CDH7: variants seen among roughly 807,000 people sequenced by gnomAD.
CDH7 encodes the protein cadherin-7.
A neutral mutation model predicts 71.8 loss-of-function variants in CDH7; 25 were observed. The observed-to-expected ratio is 0.35, with a 90% CI of 0.25 to 0.49. The LOEUF (loss-of-function observed/expected upper bound fraction) is 0.49. Among genes scored for constraint, CDH7 ranks in the 20% least tolerant of loss-of-function variants. CDH7 has a pLI of 0.99. For missense variants in CDH7, 862 were observed against 974.6 expected, an observed-to-expected ratio of 0.88 and a Z score of 1.54; for synonymous variants, 381 against 363.8, an observed-to-expected ratio of 1.05 and a Z score of -0.54.
At chr18:65,859,881 G>T in intron 10 of CDH7, 56 bp downstream of exon 10, 2 of 1,034,418 alleles carry the variant, frequency 1.9e-6, no homozygotes, top group East Asian at 4.8e-5. Flanking sequence ...CTCTAAGCAA[G>T]TATTTTTCTC....
intron 3 of CDH7, among the ~76,000 whole-genome samples, chr18:65,812,627 A>T (rs1911583448): frequency 6.6e-6 from 1 of 152,174 alleles, no homozygotes; most frequent in Non-Finnish European, 1.5e-5. Flanking sequence ...AGCCTTTAGG[A>T]TACTTTATTT....
intron 4 of CDH7, among the ~76,000 whole-genome samples, chr18:65,816,454 GT>G (rs1911728187): frequency 6.6e-6 from 1 of 152,100 alleles, no homozygotes; most frequent in Non-Finnish European, 1.5e-5. Flanking sequence ...TCATTTATAT[GT>G]GAGAAATAAC....
chr18:65,757,356 A>G (rs539792207), intron 1 of CDH7, among the ~76,000 whole-genome samples: 2 of 152,270 alleles, frequency 1.3e-5, no homozygotes, highest in African/African-American at 4.8e-5. Context: ...GATTTAGTAA[A>G]TACTGCTTAA....
rs537405711 is a variant in CDH7 at position 65,859,809 on chromosome 18, A to G, written c.1596A>G (p.Ser532=). The G allele has an allele frequency of 2.6e-4, 414 of 1,586,994 alleles. 3 individuals are homozygous for G. The South Asian group carries it at 4.2e-3, about 16-fold the overall frequency. ...TTDATNNHNF[S]LKDNKDNTAS... is the part of the protein sequence containing the mutation. ...ATGCAACAAATAACCACAACTTTTC[A>G]TTGAAAGATAACAAAGGTAATGTAT... The change falls in exon 10 of 12, where the codon TCA becomes TCG. Residue 532 remains serine, a synonymous_variant. Transcript: ENST00000397968.
At chr18:65,880,027 A>G (rs1055225662) in intron 11 of CDH7, among the ~76,000 whole-genome samples, 1 of 152,134 alleles carries the variant, frequency 6.6e-6, no homozygotes, top group Non-Finnish European at 1.5e-5. Context: ...ATGAATTTCA[A>G]TTTGCCTTTC....
chr18:65,860,241 T>C (rs986353978), intron 10 of CDH7, among the ~76,000 whole-genome samples: 3 of 152,176 alleles, frequency 2.0e-5, no homozygotes, highest in East Asian at 3.8e-4. Context: ...CTTAATGTTT[T>C]CGATAATACC....
At position 65,889,251 on chromosome 18, in the gene CDH7, C is replaced by T. The variant is rs777214662; in HGVS notation, c.*8357C>T. 1 of 151,990 alleles carries T rather than the reference C, an allele frequency of 6.6e-6. No individual in the cohort carries two copies. The highest frequency in any genetic ancestry group is 6.6e-5 in the Admixed American group (1 of 15,248). 9.4% of individuals were successfully genotyped at this position (151,990 alleles called of 1,614,324 possible). A position where few individuals can be genotyped will look rare whatever the true frequency, so the allele number is the denominator to read the frequency against. ...AGGGTAGGAGAAAAATCCCAACAAC[C>T]CTTCCACCTTTTCCAAAAAGAAAAA... On this transcript the variant is annotated 3_prime_UTR_variant, in exon 12 of 12. Transcript: ENST00000397968.
At chr18:65,781,839 T>C (rs1189200940) in intron 2 of CDH7, among the ~76,000 whole-genome samples, 11 of 95,080 alleles carry the variant, frequency 1.2e-4, no homozygotes, top group African/African-American at 4.8e-4. Context: ...TCTTTCTTTC[T>C]TTCTTTCTTT....
At chr18:65,848,052 A>G (rs1431328072) in intron 7 of CDH7, among the ~76,000 whole-genome samples, 2 of 152,046 alleles carry the variant, frequency 1.3e-5, no homozygotes, top group African/African-American at 2.4e-5. Flanking sequence ...GCTGTTTATC[A>G]TATCATGTAA....
At chr18:65,859,566 A>G in intron 9 of CDH7, 142 bp from the exon 10 acceptor site, 1 of 593,970 alleles carries the variant, frequency 1.7e-6, no homozygotes, top group Non-Finnish European at 3.0e-6. Context: ...GATTGGGTTC[A>G]TAATAATACA....
chr18:65,824,588 A>C (rs575055825), intron 5 of CDH7, 56 bp from the exon 6 acceptor site: 7 of 1,182,226 alleles, frequency 5.9e-6, no homozygotes, highest in Non-Finnish European at 6.9e-6. Flanking sequence ...CCAATATTTA[A>C]ATTTTTATTG....
At chr18:65,818,837 T>C (rs756878927) in intron 4 of CDH7, among the ~76,000 whole-genome samples, 10 of 147,880 alleles carry the variant, frequency 6.8e-5, no homozygotes, top group Non-Finnish European at 1.5e-4. Flanking sequence ...TTTTAAATGA[T>C]TTTTTTGCTG....
At chr18:65,841,687 G>A (rs1016929479) in intron 6 of CDH7, among the ~76,000 whole-genome samples, 2 of 152,098 alleles carry the variant, frequency 1.3e-5, no homozygotes, top group African/African-American at 4.8e-5. Context: ...AATTTTATGA[G>A]TAGGTCAGGT....
At position 65,822,061 on chromosome 18, in the gene CDH7, T is replaced by C. The variant is rs1911949705; in HGVS notation, c.626-20T>C. On this transcript the variant is annotated intron_variant, in intron 4 of 11. Coordinates refer to ENST00000397968, the MANE Select transcript of CDH7 (RefSeq NM_004361.5). ...TGCAGTGATTCATGATGAGTTTTAC[T>C]GGGATTTGAAATTTTACAGGAGTCA... 2.5e-6 allele frequency: 4 copies of C among 1,599,630 alleles called. No homozygotes were observed. The highest frequency in any genetic ancestry group is 3.4e-6 in the Non-Finnish European group (4 of 1,166,994).
At chr18:65,776,049 G>A (rs1183042066) in intron 2 of CDH7, among the ~76,000 whole-genome samples, 1 of 152,160 alleles carries the variant, frequency 6.6e-6, no homozygotes, top group Non-Finnish European at 1.5e-5. Context: ...ATTAGAGTAA[G>A]AACAGAACTG....
chr18:65,880,597 T>C lies in CDH7; in HGVS notation c.2061T>C (p.Thr687=), dbSNP rs1270733096. 1.9e-6 allele frequency: 3 copies of C among 1,613,688 alleles called. No homozygotes were observed. Among genetic ancestry groups the C allele is most frequent in the Non-Finnish European group, 2.5e-6 (3 of 1,179,946 alleles). The change falls in exon 12 of 12, where the codon ACT becomes ACC. Residue 687 remains threonine, a synonymous_variant. Transcript: ENST00000397968. ...ACACCAAGACCCGGAGGGATGTGAC[T>C]CCAGAAATTCAATTCCTGAGTCGAC... ...IRDTKTRRDV[T]PEIQFLSRPA...
intron 4 of CDH7, among the ~76,000 whole-genome samples, chr18:65,819,014 G>A (rs1215032039): frequency 6.6e-6 from 1 of 152,016 alleles, no homozygotes; most frequent in African/African-American, 2.4e-5. Flanking sequence ...AATAGGATCT[G>A]GTCCAGACAG....
intron 2 of CDH7, among the ~76,000 whole-genome samples, chr18:65,789,477 T>TTG (rs1396994049): frequency 6.7e-5 from 10 of 148,678 alleles, no homozygotes; most frequent in South Asian, 2.1e-4. Flanking sequence ...TTTTGTTTGT[T>TTG]TTTTTTTGTT....
intron 6 of CDH7, among the ~76,000 whole-genome samples, chr18:65,833,125 A>T (rs1912411115): frequency 6.6e-6 from 1 of 152,216 alleles, no homozygotes; most frequent in East Asian, 1.9e-4. Flanking sequence ...AAGTCAAAAT[A>T]ATACAGCATT....
Sources: gnomAD v4.1 joint callset for allele counts (sites outside exome capture counted in the v4.1 genomes callset) on GRCh38, gnomAD v4.1.1 for gene constraint, MANE v1.5 for transcripts, NCBI Gene and HGNC (gene_info 2026-07-23, HGNC 2026-07-21) for gene names.